The following HK1 variants were observed in gnomAD, a reference collection of about 807,000 sequenced individuals.
HK1 encodes the protein hexokinase-1.
HK1 carries 28 observed loss-of-function variants against 91.6 expected under a neutral mutation model. The observed-to-expected ratio is 0.31, with a 90% CI of 0.23 to 0.42. The LOEUF (loss-of-function observed/expected upper bound fraction) is 0.42. HK1 is among the 10% of genes least tolerant of loss of function. HK1 has a pLI of 1.00. For synonymous variants in HK1, 430 were observed against 468.1 expected (o/e 0.92, Z 1.05); for missense variants, 770 against 1,219.8 (o/e 0.63, Z 5.49).
chr10:69,380,478 T>C lies in HK1; in HGVS notation c.1265+383T>C, dbSNP rs1839335711. Among the ~76,000 whole-genome samples, 1 of 152,216 alleles carries C rather than the reference T, an allele frequency of 6.6e-6. No individual in the cohort carries two copies. The highest frequency in any genetic ancestry group is 1.5e-5 in the Non-Finnish European group (1 of 68,044). ...TCAAAAGTCGAGATGGAGATTTCTGTAGCTGTCGGCTCCTCTGGGTGGAAT... is the reference window on the plus strand; with the variant it reads ...TCAAAAGTCGAGATGGAGATTTCTGCAGCTGTCGGCTCCTCTGGGTGGAAT... On this transcript the variant is annotated intron_variant, in intron 9 of 17. Transcript: ENST00000359426. The surrounding 1 kb of genome is among the most constrained non-coding windows in gnomAD (Gnocchi z 4.0).
At chr10:69,374,703 A>G (rs1376042301) in intron 7 of HK1, among the ~76,000 whole-genome samples, 4 of 152,208 alleles carry the variant, frequency 2.6e-5, no homozygotes, top group Non-Finnish European at 5.9e-5. Flanking sequence ...GTGGGCCTCT[A>G]TCTGGAAAAG....
chr10:69,372,818 T>G (rs1382934097), intron 7 of HK1, among the ~76,000 whole-genome samples: 1 of 152,194 alleles, frequency 6.6e-6, no homozygotes, highest in Admixed American at 6.5e-5. Context: ...GTCCTCTGTA[T>G]TGTAAAAGCT....
chr10:69,346,850 C>T (rs935360434), intron 2 of HK1, among the ~76,000 whole-genome samples: 1 of 152,100 alleles, frequency 6.6e-6, no homozygotes, highest in Admixed American at 6.6e-5. Flanking sequence ...ATTCCCTCTT[C>T]AAAGCTACTG....
chr10:69,343,611 C>A (rs757795034), intron 1 of HK1, among the ~76,000 whole-genome samples: 6 of 152,152 alleles, frequency 3.9e-5, no homozygotes, highest in African/African-American at 1.4e-4. Flanking sequence ...TTAGAGATAT[C>A]GGGTTCATTT....
chr10:69,334,672 C>A (rs958012455), intron 1 of HK1, among the ~76,000 whole-genome samples: 11 of 152,202 alleles, frequency 7.2e-5, no homozygotes, highest in African/African-American at 2.6e-4. Flanking sequence ...GGAGCCACCA[C>A]GTGGTGCCTC....
At chr10:69,360,309 G>A (rs1328504202) in intron 3 of HK1, among the ~76,000 whole-genome samples, 1 of 152,240 alleles carries the variant, frequency 6.6e-6, no homozygotes, top group Admixed American at 6.5e-5. Context: ...TGGGTTTGAG[G>A]AGGGAGGCTC....
intron 5 of HK1, among the ~76,000 whole-genome samples, chr10:69,302,011 C>T (rs1228409911): frequency 6.6e-6 from 1 of 152,074 alleles, no homozygotes; most frequent in African/African-American, 2.4e-5. Context: ...TTTGGGAGGC[C>T]GAAACAGGTG....
intron 15 of HK1, among the ~76,000 whole-genome samples, chr10:69,392,779 G>C (rs906893147): frequency 6.6e-6 from 1 of 152,124 alleles, no homozygotes; most frequent in African/African-American, 2.4e-5. Flanking sequence ...TCTGCCCTTT[G>C]TCTCAAGCCC....
chr10:69,275,308 G>A (rs1171272618), intron 1 of HK1, among the ~76,000 whole-genome samples: 1 of 151,164 alleles, frequency 6.6e-6, no homozygotes, highest in Non-Finnish European at 1.5e-5. Context: ...ATAGCTTGAG[G>A]CCAGGAATTT....
intron 7 of HK1, among the ~76,000 whole-genome samples, chr10:69,374,379 C>T (rs1321111425): frequency 2.0e-5 from 3 of 152,360 alleles, no homozygotes; most frequent in South Asian, 2.1e-4. Context: ...GCTGCCACGC[C>T]GCCTCTCACT....
At chr10:69,325,651 C>T (rs1212043964) in intron 1 of HK1, among the ~76,000 whole-genome samples, 7 of 151,854 alleles carry the variant, frequency 4.6e-5, no homozygotes, top group Middle Eastern at 6.8e-3. Flanking sequence ...TCAGTGCCCC[C>T]CCCTGCCCCC....
intron 1 of HK1, among the ~76,000 whole-genome samples, chr10:69,327,636 C>T (rs1564515298): frequency 1.3e-5 from 2 of 152,134 alleles, no homozygotes; most frequent in Admixed American, 6.6e-5. Flanking sequence ...TTCCCATATA[C>T]GAGATTCTGC....
intron 4 of HK1, among the ~76,000 whole-genome samples, chr10:69,297,914 A>T (rs1405567110): frequency 7.0e-6 from 1 of 143,632 alleles, no homozygotes; most frequent in African/African-American, 2.6e-5. Context: ...AAAAAGAAAA[A>T]AAAGTGCTTG....
intron 5 of HK1, among the ~76,000 whole-genome samples, chr10:69,307,049 T>C (rs961707547): frequency 2.0e-5 from 3 of 152,112 alleles, no homozygotes; most frequent in Admixed American, 1.3e-4. Flanking sequence ...GAGAAGAACA[T>C]GACTGTGTTG....
At chr10:69,313,638 C>G (rs1019895162), upstream of HK1, among the ~76,000 whole-genome samples, 2 of 151,774 alleles carry the variant, frequency 1.3e-5, no homozygotes, top group African/African-American at 4.8e-5. Flanking sequence ...GCTGGGATTA[C>G]AGGCATGTGC....
At chr10:69,381,700 T>A (rs970575253) in intron 9 of HK1, among the ~76,000 whole-genome samples, 4 of 151,962 alleles carry the variant, frequency 2.6e-5, no homozygotes, top group African/African-American at 7.3e-5. Context: ...ATTACAGGCA[T>A]CTGCCACCAT....
At chr10:69,277,337 G>C (rs1295940104) in intron 1 of HK1, among the ~76,000 whole-genome samples, 2 of 152,046 alleles carry the variant, frequency 1.3e-5, no homozygotes, top group African/African-American at 4.8e-5. Flanking sequence ...GGAGGCTGAG[G>C]CACGAGGATT....
rs754842857 is a variant in HK1, at chr10:69,401,042, C to T, written c.2661C>T (p.Asn887=). The T allele has an allele frequency of 2.1e-5, 34 of 1,614,106 alleles. No homozygotes were observed. Among genetic ancestry groups the T allele is most frequent in the African/African-American group, 5.3e-5 (4 of 74,946 alleles). ...TGAAGGAACTGTCACCAAAATGTAA[C>T]GTGTCCTTCCTCCTGTCTGAGGATG... ...QTVKELSPKC[N]VSFLLSEDGS... is the part of the protein sequence containing the mutation. The change falls in exon 18 of 18, where the codon AAC becomes AAT. Residue 887 remains asparagine (N), a synonymous_variant. Transcript: ENST00000359426.
intron 2 of HK1, among the ~76,000 whole-genome samples, chr10:69,287,696 T>C (rs1053453253): frequency 3.9e-5 from 6 of 152,130 alleles, no homozygotes; most frequent in Non-Finnish European, 7.4e-5. Context: ...TTGCACAACC[T>C]TATGAATATA....
Sources: allele counts gnomAD v4.1 joint callset (sites outside exome capture counted in the v4.1 genomes callset), GRCh38; gene constraint gnomAD v4.1.1; non-coding constraint Gnocchi (gnomAD v3.1); transcripts MANE v1.5; gene names NCBI Gene and HGNC (gene_info 2026-07-23, HGNC 2026-07-21).